Variants in PEX16 observed in about 807,000 individuals in gnomAD.
The protein encoded by PEX16 is peroxisomal biogenesis factor 16.
A neutral mutation model predicts 50.5 loss-of-function variants in PEX16; 37 were observed. The ratio of observed to expected loss-of-function variants is 0.73; its 90% CI spans 0.56 to 0.96. PEX16 has a LOEUF of 0.96. Ranked by LOEUF, PEX16 falls within the 40% of genes least tolerant of loss-of-function variation. PEX16 has a pLI of 0.00. For missense variants in PEX16, 401 were observed against 438.3 expected (o/e 0.91, Z 0.76); for synonymous variants, 185 against 190.3 (o/e 0.97, Z 0.23).
chr11:45,915,901 C>T, intron 3 of PEX16, 65 bp from the exon 4 acceptor site: 1 of 1,510,308 alleles, frequency 6.6e-7, no homozygotes, highest in Non-Finnish European at 9.2e-7. Context: ...GGCCCTTCTC[C>T]TAGGAGGGAG....
chr11:45,910,131 T>C lies in PEX16; in HGVS notation c.*123A>G, dbSNP rs746259305. Reference sequence around the variant, plus strand: ...GGAACGCTGGTGGCGACCAGGGCTGTGTGTGGGGCCTGGCCGGTAGGCACG... The same window carrying C: ...GGAACGCTGGTGGCGACCAGGGCTGCGTGTGGGGCCTGGCCGGTAGGCACG... On this transcript the variant is annotated 3_prime_UTR_variant, in exon 11 of 11. Coordinates refer to ENST00000378750, the MANE Select transcript of PEX16 (RefSeq NM_004813.4). The C allele has an allele frequency of 8.1e-6, 13 of 1,611,806 alleles. No individual in the cohort carries two copies. In the East Asian group the frequency reaches 2.7e-4, roughly 33 times the overall value.
rs1565082211 is a variant in PEX16 at position 45,916,270 on chromosome 11, T to C, written c.182A>G (p.Asn61Ser). 9.3e-6 allele frequency: 15 copies of C among 1,614,058 alleles called. No individual in the cohort carries two copies. Among genetic ancestry groups the C allele is most frequent in the Admixed American group, 1.7e-5 (1 of 60,024 alleles). The change falls in exon 3 of 11, where the codon AAT becomes AGT. Residue 61 changes from asparagine (N) to serine (S), a missense_variant. Coordinates refer to ENST00000378750, the MANE Select transcript of PEX16 (RefSeq NM_004813.4). ...YSASNLLVLLNDGILRKELRK... is the reference protein window; with the variant it reads ...YSASNLLVLLSDGILRKELRK... ...AAGCTCCTTCCGTAGGATCCCGTCATTGAGCAGCACAAGCAGGTTAGAGGC... is the reference window on the plus strand; with the variant it reads ...AAGCTCCTTCCGTAGGATCCCGTCACTGAGCAGCACAAGCAGGTTAGAGGC...
chr11:45,918,187 T>A, upstream of PEX16: 1 of 366,366 alleles, frequency 2.7e-6, no homozygotes, highest in Non-Finnish European at 5.3e-6. Flanking sequence ...GTCAGAGCAG[T>A]TCATTCTAGA....
At chr11:45,911,102 A>AG in intron 9 of PEX16, 140 bp from the exon 10 acceptor site, 5 of 684,978 alleles carry the variant, frequency 7.3e-6, no homozygotes, top group Non-Finnish European at 1.3e-5. Context: ...CTTGGGAGCT[A>AG]GGACAAAGCC....
In PEX16 at chr11:45,910,004, G is replaced by C. The variant is rs2086758395; in HGVS notation, c.*250C>G. On this transcript the variant is annotated 3_prime_UTR_variant, in exon 11 of 11. Coordinates refer to ENST00000378750, the MANE Select transcript of PEX16 (RefSeq NM_004813.4). Reference sequence around the variant, plus strand: ...AGTCACCGCTTTCTGTGGGAGAGGAGCCTGGATCCCACTCCTAGTGAAGGC... The same window carrying C: ...AGTCACCGCTTTCTGTGGGAGAGGACCCTGGATCCCACTCCTAGTGAAGGC... 6.4e-6 allele frequency: 8 copies of C among 1,240,536 alleles called. No homozygotes were observed. The highest frequency in any genetic ancestry group is 9.4e-6 in the Non-Finnish European group (8 of 849,880). The allele number at this position is 1,240,536 out of a possible 1,614,324, so 76.8% of individuals were successfully genotyped here.
In PEX16 at chr11:45,910,931, C is replaced by T. The variant is rs2086772065; in HGVS notation, c.919G>A (p.Ala307Thr). 1.2e-6 allele frequency: 2 copies of T among 1,613,578 alleles called. No individual in the cohort carries two copies. Among genetic ancestry groups the T allele is most frequent in the East Asian group, 4.5e-5 (2 of 44,880 alleles). The change falls in exon 10 of 11, where the codon GCC (alanine) becomes ACC (threonine). Residue 307 changes from alanine to threonine, a missense_variant. Ala to Thr is a moderately conservative substitution (Grantham distance 58). Transcript: ENST00000378750. ...ARILFLLQLL[A>T]DHVPGVGLVT... is the part of the protein sequence containing the mutation. Reference sequence around the variant, plus strand: ...AGGCCAACGCCAGGGACGTGGTCGGCCAGCAACTGGAGCAGGAAGAGGATC... The same window carrying T: ...AGGCCAACGCCAGGGACGTGGTCGGTCAGCAACTGGAGCAGGAAGAGGATC...
rs964960838 is a variant in PEX16 at position 45,916,738 on chromosome 11, C to T, written c.149-435G>A. Among the ~76,000 whole-genome samples the T allele has an allele frequency of 4.6e-5, 7 of 152,200 alleles. No homozygotes were observed. The East Asian group carries it at 1.2e-3, about 25-fold the overall frequency. ...AGGCTGGAGTGCAATGGCACAATCTCGGCTCACTGCAACCTCTGCCTCCCA... is the reference window on the plus strand; with the variant it reads ...AGGCTGGAGTGCAATGGCACAATCTTGGCTCACTGCAACCTCTGCCTCCCA... On this transcript the variant is annotated intron_variant, in intron 2 of 10. Transcript: ENST00000378750.
chr11:45,911,212 C>A (rs538383923), intron 9 of PEX16, among the ~76,000 whole-genome samples: 3 of 152,184 alleles, frequency 2.0e-5, no homozygotes, highest in African/African-American at 7.2e-5. Context: ...CCTCCCATTC[C>A]TCTTTCCCCT....
At position 45,914,341 on chromosome 11, in the gene PEX16, C is replaced by A; in HGVS notation, c.669G>T (p.Leu223Phe). 1 of 1,612,694 alleles carries A rather than the reference C, an allele frequency of 6.2e-7. No homozygotes were observed. The highest frequency in any genetic ancestry group is 8.5e-7 in the Non-Finnish European group (1 of 1,180,032). Residue 223 changes from leucine (L) to phenylalanine (F), a missense_variant, in exon 7 of 11, where the codon TTG becomes TTT. Leu to Phe is a conservative substitution (Grantham distance 22). Coordinates refer to ENST00000378750, the MANE Select transcript of PEX16 (RefSeq NM_004813.4). The part of the protein sequence containing the change: ...LGLQETIAEF[L>F]YIARPLLHLL... Reference sequence around the variant, plus strand: ...AGTGCAGCAGCGGCCGGGCAATGTACAAAAACTCTGCGATGGTCTCCTGCA... The same window carrying A: ...AGTGCAGCAGCGGCCGGGCAATGTAAAAAAACTCTGCGATGGTCTCCTGCA...
At chr11:45,912,214 T>C (rs1361594549) in intron 9 of PEX16, among the ~76,000 whole-genome samples, 2 of 151,216 alleles carry the variant, frequency 1.3e-5, no homozygotes, top group Non-Finnish European at 2.9e-5. Flanking sequence ...AAAAGATGGG[T>C]CAGGCCAGGC....
Position 45,910,882 on chromosome 11 carries a change from C to A in PEX16, c.952+16G>T. ...CCTTCCAGCACTACAGTCATCGCGT[C>A]CCCATCCCTGCTTACTTGTGACCAG... On this transcript the variant is annotated intron_variant, in intron 10 of 10. Transcript: ENST00000378750. 6.2e-7 allele frequency: 1 copy of A among 1,612,042 alleles called. No homozygotes were observed. Among genetic ancestry groups the A allele is most frequent in the Non-Finnish European group, 8.5e-7 (1 of 1,178,562 alleles).
chr11:45,917,178 TATGAC>T, intron 2 of PEX16: 1 of 690,140 alleles, frequency 1.4e-6, no homozygotes, highest in Non-Finnish European at 2.6e-6. Flanking sequence ...TACCACTTAA[TATGAC>T]TGTAGGGAGG....
At position 45,914,421 on chromosome 11, in the gene PEX16, C is replaced by A; in HGVS notation, c.589G>T (p.Gly197Ter). Residue 197 changes from glycine to a stop codon, truncating the protein, a stop_gained, in exon 7 of 11, where the codon GGA becomes TGA. Coordinates refer to ENST00000378750, the MANE Select transcript of PEX16 (RefSeq NM_004813.4). LOFTEE classifies it high-confidence loss of function. ...RHWGAPQQRE[G>*]RQQQHHEELS... is the part of the protein sequence containing the mutation. ...TCCTCGTGATGCTGCTGCTGCCGTC[C>A]CTCCCGCTGCTGGGGAGCTCCCCAG... The A allele has an allele frequency of 6.2e-7, 1 of 1,609,052 alleles. No homozygotes were observed. The highest frequency in any genetic ancestry group is 8.5e-7 in the Non-Finnish European group (1 of 1,179,996).
chr11:45,910,549 C>T (rs924391612), intron 10 of PEX16, among the ~76,000 whole-genome samples: 2 of 152,222 alleles, frequency 1.3e-5, no homozygotes, highest in Non-Finnish European at 2.9e-5. Context: ...CCAACCCAAG[C>T]CCAGTGGGCC....
rs202161790 is a variant in PEX16, at chr11:45,915,575, C to T, written c.360-7G>A. 1.8e-4 allele frequency: 287 copies of T among 1,613,920 alleles called. No homozygotes were observed. Among genetic ancestry groups the T allele is most frequent in the Non-Finnish European group, 2.4e-4 (282 of 1,179,880 alleles). The stretch of plus-strand genomic sequence containing the variant: ...GAGCATCCGCAGTACAGCCCTGGGT[C>T]GGGGAGTATGTCAGGGTTGTGGGGA... On this transcript the variant is annotated splice_region_variant and splice_polypyrimidine_tract_variant and intron_variant, in intron 4 of 10. Coordinates refer to ENST00000378750, the MANE Select transcript of PEX16 (RefSeq NM_004813.4).
intron 4 of PEX16, 37 bp from the exon 5 acceptor site, chr11:45,915,605 G>C (rs777261523): frequency 6.2e-7 from 1 of 1,612,656 alleles, no homozygotes; most frequent in Non-Finnish European, 8.5e-7. Flanking sequence ...TGGGGAGGTG[G>C]CTAGCCGGCG....
At chr11:45,918,121 C>G (rs889964292), upstream of PEX16, 13 of 475,482 alleles carry the variant, frequency 2.7e-5, no homozygotes, top group African/African-American at 2.3e-4. Flanking sequence ...CTTCCGTTTA[C>G]CGGGTTGGCT....
chr11:45,909,876 C>G lies in PEX16; in HGVS notation c.*378G>C, dbSNP rs2086756564. The G allele has an allele frequency of 8.4e-6, 5 of 596,572 alleles. No homozygotes were observed. The highest frequency in any genetic ancestry group is 1.5e-5 in the Non-Finnish European group (5 of 332,136). 37.0% of individuals were successfully genotyped at this position (596,572 alleles called of 1,614,324 possible). On this transcript the variant is annotated 3_prime_UTR_variant, in exon 11 of 11. Transcript: ENST00000378750. ...CACGCTGGGCAGCGTTCAGCCATCA[C>G]CCGGGTTCAGGCTTCCTGTCCTCAC...
intron 10 of PEX16, 58 bp from the exon 11 acceptor site, chr11:45,910,370 C>CACAT (rs1003999809): frequency 5.0e-6 from 7 of 1,386,356 alleles, no homozygotes. Flanking sequence ...ACTGTGGCGC[C>CACAT]ACATACAGCA....
Sources: allele counts gnomAD v4.1 joint callset (sites outside exome capture counted in the v4.1 genomes callset), GRCh38; gene constraint gnomAD v4.1.1; transcripts MANE v1.5; gene names NCBI Gene and HGNC (gene_info 2026-07-23, HGNC 2026-07-21).